Variants in FAM78B observed in about 807,000 individuals in gnomAD.
FAM78B encodes the protein protein FAM78B.
A neutral mutation model predicts 20.0 loss-of-function variants in FAM78B; 10 were observed. The observed-to-expected ratio is 0.50, with a 90% confidence interval of 0.31 to 0.85. The LOEUF is 0.85. FAM78B is among the 40% of genes least tolerant of loss of function. The pLI is 0.05. For synonymous variants in FAM78B, 135 were observed against 132.8 expected, an observed-to-expected ratio of 1.02 and a Z score of -0.12; for missense variants, 283 against 345.0, an observed-to-expected ratio of 0.82 and a Z score of 1.42.
chr1:166,118,470 T>C (rs1571178957), intron 1 of FAM78B, among the ~76,000 whole-genome samples: 2 of 152,200 alleles, frequency 1.3e-5, no homozygotes, highest in Admixed American at 6.5e-5. Flanking sequence ...ATAAAACATA[T>C]AGCTTTATTG....
intron 1 of FAM78B, among the ~76,000 whole-genome samples, chr1:166,084,216 C>CAT (rs1652702068): frequency 3.1e-5 from 4 of 129,562 alleles, no homozygotes; most frequent in African/African-American, 1.2e-4. Flanking sequence ...CACACACACA[C>CAT]ACACACACAC....
chr1:166,141,845 T>C lies in FAM78B; in HGVS notation c.263+24141A>G, dbSNP rs115184367. 6.7e-3 allele frequency among the ~76,000 whole-genome samples: 1,016 copies of C among 152,142 alleles called. 13 individuals are homozygous for C. The highest frequency in any genetic ancestry group is 0.024 in the African/African-American group (986 of 41,506). On this transcript the variant is annotated intron_variant, in intron 1 of 1. Coordinates refer to ENST00000354422, the MANE Select transcript of FAM78B (RefSeq NM_001017961.5). ...GACTAAGAGTGCCCTGGAACTGGAG[T>C]AGGGACAGTGCTCTGGGATGGATGA...
chr1:166,128,587 G>C (rs1654728430), intron 1 of FAM78B, among the ~76,000 whole-genome samples: 1 of 152,232 alleles, frequency 6.6e-6, no homozygotes, highest in Non-Finnish European at 1.5e-5. Context: ...TTCTTTGGTT[G>C]TAAGTCAGAA....
chr1:166,070,907 G>C (rs115151540), intron 1 of FAM78B, 144 bp from the exon 2 acceptor site: 21,395 of 778,058 alleles, frequency 0.027, 372 homozygotes, highest in Middle Eastern at 0.035. Context: ...AAAGTTCTAT[G>C]CTGTGCTGTT....
chr1:166,109,629 C>T (rs1322288112), intron 1 of FAM78B, among the ~76,000 whole-genome samples: 1 of 151,080 alleles, frequency 6.6e-6, no homozygotes, highest in Admixed American at 6.6e-5. Flanking sequence ...AAAAGTAGAA[C>T]TACCATTTGA....
At chr1:166,105,649 C>G (rs1489175792) in intron 1 of FAM78B, among the ~76,000 whole-genome samples, 1 of 152,188 alleles carries the variant, frequency 6.6e-6, no homozygotes, top group East Asian at 1.9e-4. Flanking sequence ...ATCAAAACCA[C>G]AATGAGACAC....
intron 1 of FAM78B, among the ~76,000 whole-genome samples, chr1:166,086,358 G>C (rs1034549440): frequency 1.3e-5 from 2 of 152,198 alleles, no homozygotes; most frequent in East Asian, 3.9e-4. Flanking sequence ...AGTGGCAGAA[G>C]GGCAGGACTC....
At chr1:166,162,739 G>A (rs752883854) in intron 1 of FAM78B, among the ~76,000 whole-genome samples, 9 of 152,016 alleles carry the variant, frequency 5.9e-5, no homozygotes, top group Non-Finnish European at 4.4e-5. Flanking sequence ...GTTATTCTGG[G>A]CCCACCCAAC....
intron 1 of FAM78B, among the ~76,000 whole-genome samples, chr1:166,101,449 T>C (rs906027082): frequency 6.6e-6 from 1 of 151,788 alleles, no homozygotes; most frequent in Non-Finnish European, 1.5e-5. Flanking sequence ...GGCAAAGAAG[T>C]TAAAAACCTT....
chr1:166,094,927 T>C (rs1011380560), intron 1 of FAM78B, among the ~76,000 whole-genome samples: 2 of 152,170 alleles, frequency 1.3e-5, no homozygotes, highest in South Asian at 2.1e-4. Flanking sequence ...CCCTTCTGCC[T>C]AGTAGATATT....
intron 1 of FAM78B, among the ~76,000 whole-genome samples, chr1:166,080,566 A>C: frequency 6.6e-6 from 1 of 152,212 alleles, no homozygotes; most frequent in East Asian, 1.9e-4. Flanking sequence ...TGCTGCGTTA[A>C]CTTTACTGCA....
chr1:166,158,359 A>T (rs1017224544), intron 1 of FAM78B, among the ~76,000 whole-genome samples: 1 of 152,212 alleles, frequency 6.6e-6, no homozygotes, highest in Non-Finnish European at 1.5e-5. Flanking sequence ...AATAATTTTT[A>T]AAAAGAACCA....
In FAM78B at chr1:166,092,965, G is replaced by A. The variant is rs2101739241; in HGVS notation, c.264-22202C>T. Among the ~76,000 whole-genome samples, 3 of 152,174 alleles carry A rather than the reference G, an allele frequency of 2.0e-5. No individual in the cohort carries two copies. In the South Asian group the frequency reaches 6.2e-4, roughly 32 times the overall value. On this transcript the variant is annotated intron_variant, in intron 1 of 1. Coordinates refer to ENST00000354422, the MANE Select transcript of FAM78B (RefSeq NM_001017961.5). ...ATTCTAACTTGCCGTTAAGTGGCCG[G>A]GCTGAAATCAAACCTGGGTCTGAGC... is the stretch of plus-strand genomic sequence containing the variant.
chr1:166,127,921 A>G (rs1438270349), intron 1 of FAM78B, among the ~76,000 whole-genome samples: 2 of 152,236 alleles, frequency 1.3e-5, no homozygotes, highest in African/African-American at 4.8e-5. Flanking sequence ...CTTGGCACAC[A>G]CTGACGATTA....
chr1:166,138,860 A>C (rs1655171194), intron 1 of FAM78B, among the ~76,000 whole-genome samples: 1 of 152,230 alleles, frequency 6.6e-6, no homozygotes, highest in African/African-American at 2.4e-5. Flanking sequence ...GCAGGTACTC[A>C]AATATTTGTT....
At chr1:166,111,133 C>G (rs1307093873) in intron 1 of FAM78B, among the ~76,000 whole-genome samples, 1 of 152,176 alleles carries the variant, frequency 6.6e-6, no homozygotes, top group Non-Finnish European at 1.5e-5. Flanking sequence ...CCCACAAACA[C>G]TAGCATAGAC....
intron 1 of FAM78B, among the ~76,000 whole-genome samples, chr1:166,152,995 C>G (rs1341708315): frequency 6.6e-6 from 1 of 152,152 alleles, no homozygotes; most frequent in Non-Finnish European, 1.5e-5. Flanking sequence ...TAACTGTTCC[C>G]AGCTTCCTCA....
chr1:166,063,866 G>A (rs1006778735), intron 2 of FAM78B, among the ~76,000 whole-genome samples: 3 of 152,234 alleles, frequency 2.0e-5, no homozygotes, highest in African/African-American at 7.2e-5. Context: ...GCTGTTTTGA[G>A]GATCAACCTG....
intron 1 of FAM78B, among the ~76,000 whole-genome samples, chr1:166,150,995 T>A (rs1655650398): frequency 6.6e-6 from 1 of 152,224 alleles, no homozygotes; most frequent in Non-Finnish European, 1.5e-5. Flanking sequence ...TTGGATGGTA[T>A]GACCCAGAAC....
Sources: gnomAD v4.1 joint callset for allele counts (sites outside exome capture counted in the v4.1 genomes callset) on GRCh38, gnomAD v4.1.1 for gene constraint, MANE v1.5 for transcripts, NCBI Gene and HGNC (gene_info 2026-07-23, HGNC 2026-07-21) for gene names.